CDCA2: variants seen among roughly 807,000 people sequenced by gnomAD.
The protein encoded by CDCA2 is cell division cycle associated 2, also known as cell division cycle-associated protein 2.
In CDCA2, 44 loss-of-function variants were observed where a neutral mutation model predicts 67.0. The observed-to-expected ratio is 0.66, with a 90% confidence interval of 0.52 to 0.84. The LOEUF (loss-of-function observed/expected upper bound fraction) is 0.84. Among genes scored for constraint, CDCA2 ranks in the 40% least tolerant of loss-of-function variants. The probability of loss-of-function intolerance (pLI) is 0.00; values close to 1 mark genes in which losing one functional copy is unlikely to be tolerated. For synonymous variants in CDCA2, 447 were observed against 418.7 expected, an observed-to-expected ratio of 1.07 and a Z score of -0.82; for missense variants, 1,253 against 1,203.2, an observed-to-expected ratio of 1.04 and a Z score of -0.61.
In CDCA2 at chr8:25,466,286, T is replaced by C; in HGVS notation, c.499T>C (p.Phe167Leu). Reference protein sequence around the residue: ...ENEKMTGCLEFSEAGKESEMT... With the variant: ...ENEKMTGCLELSEAGKESEMT... ...CGAGAAAATGACCGGCTGTCTGGAA[T>C]TCTCAGAGGCAGGAAAAGAGTCCGA... The change falls in exon 5 of 15, where the codon TTC (phenylalanine) becomes CTC (leucine). Residue 167 changes from phenylalanine to leucine, a missense_variant. Physicochemically the swap from Phe to Leu is conservative, Grantham distance 22 (BLOSUM62 0). Coordinates refer to ENST00000330560, the MANE Select transcript of CDCA2 (RefSeq NM_152562.4). 1 of 1,610,136 alleles carries C rather than the reference T, an allele frequency of 6.2e-7. No individual in the cohort carries two copies. Among genetic ancestry groups the C allele is most frequent in the Non-Finnish European group, 8.5e-7 (1 of 1,179,040 alleles).
intron 10 of CDCA2, among the ~76,000 whole-genome samples, chr8:25,485,423 A>G (rs897790107): frequency 2.0e-5 from 3 of 152,026 alleles, no homozygotes; most frequent in African/African-American, 4.8e-5. Flanking sequence ...TTATAACGTT[A>G]GATTGTGTTT....
chr8:25,481,368 T>C (rs1011383584), intron 8 of CDCA2, among the ~76,000 whole-genome samples: 5 of 152,246 alleles, frequency 3.3e-5, no homozygotes, highest in South Asian at 2.1e-4. Context: ...ACAGCAAATA[T>C]TAAGTCTTGT....
At position 25,484,175 on chromosome 8, in the gene CDCA2, C is replaced by A; in HGVS notation, c.1330C>A (p.Pro444Thr). ...LEQSPVPEPL[P>T]QPDFDDKGEN... ...GCAGTCACCTGTTCCTGAGCCATTA[C>A]CTCAACCAGATTTTGATGACAAGGG... The change falls in exon 10 of 15, where the codon CCT (proline) becomes ACT (threonine). Residue 444 changes from proline (P) to threonine (T), a missense_variant. Physicochemically the swap from Pro to Thr is conservative, Grantham distance 38 (BLOSUM62 -1). Coordinates refer to ENST00000330560, the MANE Select transcript of CDCA2 (RefSeq NM_152562.4). 6.2e-7 allele frequency: 1 copy of A among 1,614,146 alleles called. No individual in the cohort carries two copies.
intron 10 of CDCA2, 82 bp downstream of exon 10, chr8:25,484,292 T>C: frequency 6.7e-7 from 1 of 1,500,586 alleles, no homozygotes; most frequent in Non-Finnish European, 9.1e-7. Context: ...ATAACTATGC[T>C]TTGAAATAAT....
chr8:25,503,055 G>C (rs779410072), intron 13 of CDCA2, among the ~76,000 whole-genome samples: 1 of 152,358 alleles, frequency 6.6e-6, no homozygotes, highest in East Asian at 1.9e-4. Context: ...GCCAAGGCAG[G>C]AGGATCTCTT....
chr8:25,467,052 A>AAC (rs1563260914), intron 5 of CDCA2, among the ~76,000 whole-genome samples: 1 of 138,712 alleles, frequency 7.2e-6, no homozygotes, highest in Non-Finnish European at 1.6e-5. Context: ...AAAAAAAAAA[A>AAC]AAAAAAAAAA....
intron 13 of CDCA2, among the ~76,000 whole-genome samples, chr8:25,494,473 A>G (rs1019388641): frequency 6.6e-5 from 10 of 152,210 alleles, no homozygotes; most frequent in Admixed American, 2.6e-4. Context: ...TTTTTACAGT[A>G]TAATGCTGTA....
At chr8:25,488,209 A>AT (rs796183649) in intron 12 of CDCA2, among the ~76,000 whole-genome samples, 12 of 152,272 alleles carry the variant, frequency 7.9e-5, no homozygotes, top group African/African-American at 2.9e-4. Context: ...AAAATTCATG[A>AT]TTTTTTTCCC....
intron 13 of CDCA2, among the ~76,000 whole-genome samples, chr8:25,498,959 C>T (rs1388585219): frequency 1.3e-5 from 2 of 152,132 alleles, no homozygotes; most frequent in African/African-American, 2.4e-5. Flanking sequence ...CTCTTCAAGA[C>T]ACTGCAGGAT....
At chr8:25,483,627 G>T in intron 9 of CDCA2, 141 bp downstream of exon 9, 1 of 629,560 alleles carries the variant, frequency 1.6e-6, no homozygotes, top group East Asian at 2.9e-5. Context: ...AGTTGAGAAG[G>T]TTAGAATCTC....
At chr8:25,464,261 T>A (rs902372499) in intron 4 of CDCA2, among the ~76,000 whole-genome samples, 1 of 152,108 alleles carries the variant, frequency 6.6e-6, no homozygotes, top group Non-Finnish European at 1.5e-5. Flanking sequence ...AGAAAAATTT[T>A]AAAAATTATC....
intron 4 of CDCA2, among the ~76,000 whole-genome samples, chr8:25,464,280 G>T (rs1230215611): frequency 6.6e-6 from 1 of 152,160 alleles, no homozygotes; most frequent in Non-Finnish European, 1.5e-5. Context: ...TCTGGGTGTG[G>T]TGGCACATGC....
At chr8:25,468,552 T>TGTGTGTGTGG in intron 6 of CDCA2, 139 bp downstream of exon 6, 1 of 501,300 alleles carries the variant, frequency 2.0e-6, no homozygotes, top group African/African-American at 2.0e-5. Flanking sequence ...TGTGTGTGTG[T>TGTGTGTGTGG]GTGTGCGTGT....
rs376082999 is a variant in CDCA2, at chr8:25,488,835, G to T, written c.1671+146G>T. The T allele has an allele frequency of 1.3e-4, 91 of 716,044 alleles. No individual in the cohort carries two copies. In the African/African-American group the frequency reaches 1.6e-3, roughly 13 times the overall value. The allele number at this position is 716,044 out of a possible 1,614,324, so 44.4% of individuals were successfully genotyped here. ...ATCTTACCGTGGAGTAGAATGGGGT[G>T]GGGGGGTTATGTACTTAACTCTGAA... On this transcript the variant is annotated intron_variant, in intron 13 of 14. Transcript: ENST00000330560.
At chr8:25,505,403 G>A (rs182880131) in intron 14 of CDCA2, among the ~76,000 whole-genome samples, 190 of 152,234 alleles carry the variant, frequency 1.2e-3, no homozygotes, top group Admixed American at 2.0e-3. Context: ...GTTTCACCAT[G>A]TTGGCCAGGC....
intron 9 of CDCA2, among the ~76,000 whole-genome samples, 194 bp from the exon 10 acceptor site, chr8:25,483,772 T>G (rs115552702): frequency 7.2e-5 from 11 of 152,336 alleles, no homozygotes; most frequent in African/African-American, 2.6e-4. Flanking sequence ...TCTGTTGCCA[T>G]ATTTTAATTG....
intron 13 of CDCA2, among the ~76,000 whole-genome samples, chr8:25,499,501 G>C (rs1032965610): frequency 1.3e-5 from 2 of 151,564 alleles, no homozygotes; most frequent in African/African-American, 2.4e-5. Flanking sequence ...ACGGGGTTTC[G>C]TCATGTTGCC....
At chr8:25,481,540 A>G (rs1803571420) in intron 8 of CDCA2, among the ~76,000 whole-genome samples, 1 of 152,112 alleles carries the variant, frequency 6.6e-6, no homozygotes, top group Non-Finnish European at 1.5e-5. Context: ...AATACAAAAA[A>G]TTAGCCGGGC....
intron 7 of CDCA2, among the ~76,000 whole-genome samples, chr8:25,471,441 C>A (rs564475178): frequency 4.6e-5 from 7 of 152,270 alleles, no homozygotes; most frequent in African/African-American, 1.7e-4. Flanking sequence ...CAGCTTACTG[C>A]AACCTCTGCC....
Sources: gnomAD v4.1 joint callset for allele counts (sites outside exome capture counted in the v4.1 genomes callset) on GRCh38, gnomAD v4.1.1 for gene constraint, MANE v1.5 for transcripts, NCBI Gene and HGNC (gene_info 2026-07-23, HGNC 2026-07-21) for gene names.